The following GLRA3 variants were observed in gnomAD, a reference collection of about 807,000 sequenced individuals.
The protein encoded by GLRA3 is glycine receptor alpha 3.
A neutral mutation model predicts 60.4 loss-of-function variants in GLRA3; 44 were observed. The observed-to-expected ratio is 0.73, with a 90% CI of 0.57 to 0.94. The LOEUF (loss-of-function observed/expected upper bound fraction) is 0.94, where lower values mean the gene tolerates loss of function less well. Among genes scored for constraint, GLRA3 ranks in the 40% least tolerant of loss-of-function variants. GLRA3 has a pLI of 0.00. For missense variants in GLRA3, 508 were observed against 564.6 expected (o/e 0.90, Z 1.02); for synonymous variants, 223 against 192.9 (o/e 1.16, Z -1.29).
At chr4:174,688,484 ATATTTT>A (rs1734646891) in intron 5 of GLRA3, among the ~76,000 whole-genome samples, 1 of 150,670 alleles carries the variant, frequency 6.6e-6, no homozygotes, top group Admixed American at 6.6e-5. Context: ...AGTCAGTGGC[ATATTTT>A]CTATTACCTA....
chr4:174,826,371 T>G (rs1019704765), intron 1 of GLRA3, among the ~76,000 whole-genome samples: 2 of 152,156 alleles, frequency 1.3e-5, no homozygotes, highest in Admixed American at 6.5e-5. Flanking sequence ...GATATACTTA[T>G]TATATAAGTC....
chr4:174,824,132 C>G (rs1233592579), intron 1 of GLRA3, among the ~76,000 whole-genome samples: 4 of 152,232 alleles, frequency 2.6e-5, no homozygotes, highest in Non-Finnish European at 5.9e-5. Flanking sequence ...CTGCAAGCAT[C>G]TTAACCTCAA....
intron 3 of GLRA3, among the ~76,000 whole-genome samples, chr4:174,758,426 A>G (rs1182741607): frequency 1.3e-5 from 2 of 152,126 alleles, no homozygotes; most frequent in African/African-American, 4.8e-5. Flanking sequence ...TAAGAAAAAT[A>G]TCTATGAACC....
chr4:174,732,361 A>G lies in GLRA3; in HGVS notation c.268-3663T>C, dbSNP rs74692927. Among the ~76,000 whole-genome samples, 17 of 139,300 alleles carry G rather than the reference A, an allele frequency of 1.2e-4. No individual in the cohort carries two copies. The South Asian group carries it at 3.6e-3, about 29-fold the overall frequency. 91.4% of individuals were successfully genotyped at this position (139,300 alleles called of 152,430 possible). On this transcript the variant is annotated intron_variant, in intron 3 of 9. Coordinates refer to ENST00000274093, the MANE Select transcript of GLRA3 (RefSeq NM_006529.4). ...AGAGCGAGACTCCGACTCAAAAATT[A>G]AAAAAAAAAAAAAAAGGAAAAATTA...
chr4:174,706,343 T>C (rs1370955652), intron 5 of GLRA3, among the ~76,000 whole-genome samples: 1 of 152,132 alleles, frequency 6.6e-6, no homozygotes, highest in African/African-American at 2.4e-5. Context: ...AAGAGCACAG[T>C]TTTATCTGAC....
chr4:174,710,777 AT>A (rs1460314825), intron 5 of GLRA3, among the ~76,000 whole-genome samples: 1 of 152,130 alleles, frequency 6.6e-6, no homozygotes, highest in Admixed American at 6.6e-5. Flanking sequence ...TTGATATTCA[AT>A]CAACCTAATT....
At chr4:174,798,057 T>G (rs535380623) in intron 1 of GLRA3, among the ~76,000 whole-genome samples, 6 of 152,196 alleles carry the variant, frequency 3.9e-5, no homozygotes, top group Non-Finnish European at 8.8e-5. Context: ...AAATACACCT[T>G]AAAATTTTCA....
chr4:174,803,823 G>T (rs562764716), intron 1 of GLRA3, among the ~76,000 whole-genome samples: 1 of 152,224 alleles, frequency 6.6e-6, no homozygotes, highest in African/African-American at 2.4e-5. Flanking sequence ...AGCAAAGACT[G>T]AGCACCATAA....
At chr4:174,687,947 C>A (rs542370658) in intron 5 of GLRA3, among the ~76,000 whole-genome samples, 8 of 151,864 alleles carry the variant, frequency 5.3e-5, no homozygotes, top group Non-Finnish European at 1.0e-4. Context: ...TTCCACATTG[C>A]AATTAATCTT....
At chr4:174,789,012 T>C in intron 1 of GLRA3, 69 bp from the exon 2 acceptor site, 1 of 1,014,684 alleles carries the variant, frequency 9.9e-7, no homozygotes, top group Non-Finnish European at 1.4e-6. Flanking sequence ...CCTACAAATA[T>C]AAAATAGAAA....
chr4:174,764,146 T>C (rs1738046221), intron 3 of GLRA3, among the ~76,000 whole-genome samples: 1 of 152,100 alleles, frequency 6.6e-6, no homozygotes, highest in Non-Finnish European at 1.5e-5. Context: ...TTTAAATTTG[T>C]GCAAGAAAAA....
chr4:174,780,189 C>A (rs1738807455), intron 2 of GLRA3, among the ~76,000 whole-genome samples: 1 of 143,316 alleles, frequency 7.0e-6, no homozygotes, highest in African/African-American at 2.6e-5. Context: ...ATTTTCAACC[C>A]AGAATTTCAT....
At chr4:174,656,586 T>C (rs986474776) in intron 9 of GLRA3, among the ~76,000 whole-genome samples, 157 bp downstream of exon 9, 2 of 152,024 alleles carry the variant, frequency 1.3e-5, no homozygotes, top group African/African-American at 4.8e-5. Context: ...AAAAAGAAAA[T>C]ACCCTTCTTA....
rs550822134 is a variant in GLRA3, at chr4:174,762,367, C to G, written c.267+4596G>C. On this transcript the variant is annotated intron_variant, in intron 3 of 9. Transcript: ENST00000274093. ...AAGTTTGACAGTTAGCTGAGAACAT[C>G]TGGACCACCTATAGCCAGCCCCCAT... 3.5e-4 allele frequency among the ~76,000 whole-genome samples: 54 copies of G among 152,150 alleles called. 1 individual carries two copies. The South Asian group carries it at 0.011, about 32-fold the overall frequency.
intron 1 of GLRA3, among the ~76,000 whole-genome samples, chr4:174,804,643 A>C (rs1739959501): frequency 6.6e-6 from 1 of 152,208 alleles, no homozygotes; most frequent in Non-Finnish European, 1.5e-5. Flanking sequence ...CCATGTCCAC[A>C]GAAAACTAGG....
intron 3 of GLRA3, among the ~76,000 whole-genome samples, chr4:174,739,043 C>T (rs1300752615): frequency 2.6e-5 from 4 of 152,186 alleles, no homozygotes; most frequent in African/African-American, 9.7e-5. Context: ...CTCTGGCTTA[C>T]AAAATCATGG....
Position 174,823,268 on chromosome 4 carries a change from T to A in GLRA3, c.71+5473A>T, listed in dbSNP as rs142994150. On this transcript the variant is annotated intron_variant, in intron 1 of 9. Coordinates refer to ENST00000274093, the MANE Select transcript of GLRA3 (RefSeq NM_006529.4). ...CAAAAAAAAAATGTATTTCCACATA[T>A]ACATGTACATACATATGAATTTGAG... Among the ~76,000 whole-genome samples the A allele has an allele frequency of 3.3e-5, 5 of 152,244 alleles. No individual in the cohort carries two copies. The East Asian group carries it at 9.7e-4, about 29-fold the overall frequency.
intron 2 of GLRA3, among the ~76,000 whole-genome samples, chr4:174,779,714 A>T (rs369162057): frequency 6.6e-6 from 1 of 152,118 alleles, no homozygotes; most frequent in South Asian, 2.1e-4. Context: ...AGGGTATCAG[A>T]GATGGAAGAT....
intron 5 of GLRA3, among the ~76,000 whole-genome samples, chr4:174,693,091 C>T (rs572269387): frequency 4.1e-4 from 62 of 152,052 alleles, no homozygotes; most frequent in Non-Finnish European, 7.9e-4. Context: ...CAAATATTTT[C>T]TCCCATTCTG....
Sources: gnomAD v4.1 joint callset for allele counts (sites outside exome capture counted in the v4.1 genomes callset) on GRCh38, gnomAD v4.1.1 for gene constraint, MANE v1.5 for transcripts, NCBI Gene and HGNC (gene_info 2026-07-23, HGNC 2026-07-21) for gene names.